The following ATF6B variants were observed in gnomAD, a reference collection of about 807,000 sequenced individuals.
ATF6B encodes the protein activating transcription factor 6 beta.
A neutral mutation model predicts 83.5 loss-of-function variants in ATF6B; 50 were observed. That is an observed-to-expected ratio of 0.60 (90% CI 0.48 to 0.76). The LOEUF (loss-of-function observed/expected upper bound fraction) is 0.76. Among genes scored for constraint, ATF6B ranks in the 30% least tolerant of loss-of-function variants. ATF6B has a pLI of 0.00. For missense variants in ATF6B, 790 were observed against 893.8 expected, an observed-to-expected ratio of 0.88 and a Z score of 1.48; for synonymous variants, 344 against 362.8, an observed-to-expected ratio of 0.95 and a Z score of 0.59.
chr6:32,126,319 T>C, intron 4 of ATF6B, 67 bp from the exon 5 acceptor site: 1 of 1,563,540 alleles, frequency 6.4e-7, no homozygotes, highest in Non-Finnish European at 8.7e-7. Flanking sequence ...ATGTTGACAG[T>C]AAGAGCGAGA....
chr6:32,119,197 T>A lies in ATF6B; in HGVS notation c.967-56A>T. On this transcript the variant is annotated intron_variant, in intron 9 of 17. Coordinates refer to ENST00000375203, the MANE Select transcript of ATF6B (RefSeq NM_004381.5). This position sits in a 1 kb window ranked among gnomAD's most constrained non-coding sequence, Gnocchi z 4.9. ...CAGATGAGTTGGCAGAAGGAGACTA[T>A]GCTCTCAAACCCCAAGGAATGATTT... 2 of 1,542,346 alleles carry A rather than the reference T, an allele frequency of 1.3e-6. No individual in the cohort carries two copies. Among genetic ancestry groups the A allele is most frequent in the South Asian group, 2.4e-5 (2 of 84,060 alleles).
In ATF6B at chr6:32,117,778, T is replaced by G; in HGVS notation, c.1424+81A>C. 1 of 1,577,848 alleles carries G rather than the reference T, an allele frequency of 6.3e-7. No individual in the cohort carries two copies. The highest frequency in any genetic ancestry group is 8.6e-7 in the Non-Finnish European group (1 of 1,161,026). On this transcript the variant is annotated intron_variant, in intron 12 of 17. Transcript: ENST00000375203. This position sits in a 1 kb window ranked among gnomAD's most constrained non-coding sequence, Gnocchi z 5.0. Reference sequence around the variant, plus strand: ...GAAGGCGATGACGGCAAGAGAAAGCTTTGGGTCCCCCTCACTGAAAGCGGG... The same window carrying G: ...GAAGGCGATGACGGCAAGAGAAAGCGTTGGGTCCCCCTCACTGAAAGCGGG...
rs774885681 is a variant in ATF6B at position 32,128,236 on chromosome 6, C to G, written c.-29G>C. The G allele has an allele frequency of 6.3e-7, 1 of 1,577,942 alleles. No individual in the cohort carries two copies. The highest frequency in any genetic ancestry group is 2.3e-5 in the East Asian group (1 of 43,834). ...TCCCCCCCACCCCCCAACCAGGAGA[C>G]GGTTCCCAAGGCCCGCCTCTCCCCA... On this transcript the variant is annotated 5_prime_UTR_variant, in exon 1 of 18. Coordinates refer to ENST00000375203, the MANE Select transcript of ATF6B (RefSeq NM_004381.5).
Position 32,119,233 on chromosome 6 carries a change from C to T in ATF6B, c.967-92G>A. On this transcript the variant is annotated intron_variant, in intron 9 of 17. Coordinates refer to ENST00000375203, the MANE Select transcript of ATF6B (RefSeq NM_004381.5). The surrounding 1 kb of genome is among the most constrained non-coding windows in gnomAD (Gnocchi z 4.9). ...CCCAAGGAATGATTTACCCAAAGCT[C>T]ACATGGCCATTCCCCTGCCTTCCTG... The T allele has an allele frequency of 6.9e-7, 1 of 1,447,194 alleles. No individual in the cohort carries two copies. The highest frequency in any genetic ancestry group is 9.2e-7 in the Non-Finnish European group (1 of 1,088,930). 89.6% of individuals were successfully genotyped at this position (1,447,194 alleles called of 1,614,324 possible).
At position 32,126,220 on chromosome 6, in the gene ATF6B, C is replaced by T. The variant is rs1299788137; in HGVS notation, c.375G>A (p.Lys125=). The change falls in exon 5 of 18, where the codon AAG becomes AAA. Residue 125 remains lysine, a synonymous_variant. Coordinates refer to ENST00000375203, the MANE Select transcript of ATF6B (RefSeq NM_004381.5). ...ACAGTGGGGGTGCCAAGGACTCTGT[C>T]TTCACATGGAGCACCTCCCCTACCC... The part of the protein sequence containing the change: ...ALGVGEVLHV[K]TESLAPPLCL... 2 of 1,614,010 alleles carry T rather than the reference C, an allele frequency of 1.2e-6. No individual in the cohort carries two copies. Among genetic ancestry groups the T allele is most frequent in the Non-Finnish European group, 1.7e-6 (2 of 1,180,030 alleles).
At chr6:32,120,682 C>T (rs1413122312) in intron 8 of ATF6B, 89 bp downstream of exon 8, 2 of 1,480,358 alleles carry the variant, frequency 1.4e-6, no homozygotes, top group Non-Finnish European at 1.8e-6. Flanking sequence ...AACTTCTGAC[C>T]TCAGGTGATT....
At position 32,121,019 on chromosome 6, in the gene ATF6B, T is replaced by C; in HGVS notation, c.670A>G (p.Ser224Gly). Residue 224 changes from serine to glycine, a missense_variant, in exon 7 of 18, where the codon AGC becomes GGC. By Grantham distance (56) the Ser-to-Gly change is moderately conservative. This residue lies in a region of ATF6B where 530 missense variants were observed against 632.6 expected (regional missense o/e 0.84). Transcript: ENST00000375203. ...PAPSLGAVQI[S>G]MGPSLDGSSG... ...GAGCCATCAAGGGATGGGCCCATGC[T>C]GATCTGGACAGCTCCAAGTGAGGGG... 1.3e-6 allele frequency: 2 copies of C among 1,534,736 alleles called. No homozygotes were observed. Among genetic ancestry groups the C allele is most frequent in the Non-Finnish European group, 1.7e-6 (2 of 1,144,066 alleles).
At chr6:32,127,042 G>T (rs1231724854) in intron 4 of ATF6B, 61 bp downstream of exon 4, 1 of 1,351,446 alleles carries the variant, frequency 7.4e-7, no homozygotes, top group Non-Finnish European at 1.0e-6. Flanking sequence ...TGTCACCCAC[G>T]GGTGAAGGGA....
Position 32,117,240 on chromosome 6 carries a change from C to A in ATF6B, c.1614+83G>T, listed in dbSNP as rs1186741119. On this transcript the variant is annotated intron_variant, in intron 14 of 17. Coordinates refer to ENST00000375203, the MANE Select transcript of ATF6B (RefSeq NM_004381.5). This position sits in a 1 kb window ranked among gnomAD's most constrained non-coding sequence, Gnocchi z 5.0. ...CAAACGATCCCTCAAACTTCCACAG[C>A]GAGATGCCCACTAGAAATCCCCAGA... The A allele has an allele frequency of 6.4e-7, 1 of 1,551,714 alleles. No individual in the cohort carries two copies.
chr6:32,125,039 A>C lies in ATF6B; in HGVS notation c.478+1078T>G, dbSNP rs1048408929. Among the ~76,000 whole-genome samples, 2 of 152,088 alleles carry C rather than the reference A, an allele frequency of 1.3e-5. No individual in the cohort carries two copies. The highest frequency in any genetic ancestry group is 2.9e-5 in the Non-Finnish European group (2 of 68,016). Reference sequence around the variant, plus strand: ...GACACGGGGTTTCACCATCTTAGCCAGGATGGTCTCAATCTCCTGACCTCG... The same window carrying C: ...GACACGGGGTTTCACCATCTTAGCCCGGATGGTCTCAATCTCCTGACCTCG... On this transcript the variant is annotated intron_variant, in intron 5 of 17. Transcript: ENST00000375203. The surrounding 1 kb of genome is among the most constrained non-coding windows in gnomAD (Gnocchi z 4.1).
chr6:32,128,211 T>TCCCCCCCCCCCCCCCCCCCCCC lies in ATF6B; in HGVS notation c.-5_-4insGGGGGGGGGGGGGGGGGGGGGG. 1 of 1,536,886 alleles carries TCCCCCCCCCCCCCCCCCCCCCC rather than the reference T, an allele frequency of 6.5e-7. No individual in the cohort carries two copies. ...TGAGCAGCATCAGCTCCGCCATCTT[T>TCCCCCCCCCCCCCCCCCCCCCC]CCCCCCCACCCCCCAACCAGGAGAC... On this transcript the variant is annotated 5_prime_UTR_variant, in exon 1 of 18. Coordinates refer to ENST00000375203, the MANE Select transcript of ATF6B (RefSeq NM_004381.5).
intron 3 of ATF6B, 81 bp from the exon 4 acceptor site, chr6:32,127,275 G>C: frequency 7.1e-7 from 1 of 1,411,960 alleles, no homozygotes; most frequent in Non-Finnish European, 9.7e-7. Context: ...TGTCGGTGGG[G>C]ATTCCTGTAC....
intron 5 of ATF6B, among the ~76,000 whole-genome samples, chr6:32,123,192 C>A (rs917482577): frequency 7.7e-6 from 1 of 129,080 alleles, no homozygotes; most frequent in Non-Finnish European, 1.5e-5. Flanking sequence ...CACGCCAATG[C>A]ACTCTAGCCT....
Position 32,117,309 on chromosome 6 carries a change from G to A in ATF6B, c.1614+14C>T. Reference sequence around the variant, plus strand: ...TCTTCAAGTGGCCTTCCTTGAACCAGCCACCCGCCCTACCTGTCTCTCCTG... The same window carrying A: ...TCTTCAAGTGGCCTTCCTTGAACCAACCACCCGCCCTACCTGTCTCTCCTG... On this transcript the variant is annotated intron_variant, in intron 14 of 17. Coordinates refer to ENST00000375203, the MANE Select transcript of ATF6B (RefSeq NM_004381.5). This position sits in a 1 kb window ranked among gnomAD's most constrained non-coding sequence, Gnocchi z 5.0. 6.2e-7 allele frequency: 1 copy of A among 1,611,752 alleles called. No individual in the cohort carries two copies. Among genetic ancestry groups the A allele is most frequent in the Non-Finnish European group, 8.5e-7 (1 of 1,178,594 alleles).
In ATF6B at chr6:32,115,858, A is replaced by AG; in HGVS notation, c.1992dup (p.Ser665LeufsTer83). 1.9e-6 allele frequency: 3 copies of AG among 1,614,080 alleles called. No homozygotes were observed. The highest frequency in any genetic ancestry group is 2.5e-6 in the Non-Finnish European group (3 of 1,180,004). On this transcript the variant is annotated frameshift_variant, in exon 18 of 18. Transcript: ENST00000375203. LOFTEE classifies it high-confidence loss of function. ...GTTGGGGATGGCTGTTTTCGGAGCG[A>AG]GGGGGGCACTGTGGAGGTCTTGATG...
At chr6:32,127,398 T>G (rs747576514) in intron 3 of ATF6B, 44 bp downstream of exon 3, 2 of 1,578,786 alleles carry the variant, frequency 1.3e-6, no homozygotes, top group South Asian at 1.1e-5. Flanking sequence ...AGTGGGAAGA[T>G]GAGGGTTTCT....
rs1781615245 is a variant in ATF6B at position 32,118,385 on chromosome 6, G to A, written c.1245-347C>T. 6.6e-6 allele frequency among the ~76,000 whole-genome samples: 1 copy of A among 152,186 alleles called. No homozygotes were observed. Among genetic ancestry groups the A allele is most frequent in the Non-Finnish European group, 1.5e-5 (1 of 68,030 alleles). The stretch of plus-strand genomic sequence containing the variant: ...AGGTGGGCAGACTGCCTGAGCTCAG[G>A]AGTTCGAGACCAGCCTGGGCAACAA... On this transcript the variant is annotated intron_variant, in intron 11 of 17. Transcript: ENST00000375203. This position sits in a 1 kb window ranked among gnomAD's most constrained non-coding sequence, Gnocchi z 5.2.
chr6:32,122,586 C>T (rs1367969607), intron 5 of ATF6B, among the ~76,000 whole-genome samples: 4 of 152,112 alleles, frequency 2.6e-5, no homozygotes, highest in South Asian at 2.1e-4. Context: ...CGGTGGCTCA[C>T]GCCTGTAATC....
Position 32,115,940 on chromosome 6 carries a change from C to T in ATF6B, c.1911G>A (p.Gly637=). The change falls in exon 18 of 18, where the codon GGG becomes GGA. Residue 637 remains glycine, a synonymous_variant. Coordinates refer to ENST00000375203, the MANE Select transcript of ATF6B (RefSeq NM_004381.5). ...CGATCTGCATCATCTCCTCATAGTCCCCCGGGGCCCCACGGCCTGACAGGG... is the reference window on the plus strand; with the variant it reads ...CGATCTGCATCATCTCCTCATAGTCTCCCGGGGCCCCACGGCCTGACAGGG... ...NETLSGRGAP[G]DYEEMMQIEC... 1 of 1,613,908 alleles carries T rather than the reference C, an allele frequency of 6.2e-7. No homozygotes were observed. The highest frequency in any genetic ancestry group is 8.5e-7 in the Non-Finnish European group (1 of 1,179,860).
Sources: gnomAD v4.1 joint callset for allele counts (sites outside exome capture counted in the v4.1 genomes callset) on GRCh38, gnomAD v4.1.1 for gene constraint, gnomAD v4.1.1 regional missense constraint, Gnocchi (gnomAD v3.1) non-coding constraint, MANE v1.5 for transcripts, NCBI Gene and HGNC (gene_info 2026-07-23, HGNC 2026-07-21) for gene names.